BICDL1: variants seen among roughly 807,000 people sequenced by gnomAD.
BICDL1 encodes the protein BICD family-like cargo adapter 1.
Under a neutral mutation model 76.8 loss-of-function variants are expected in BICDL1, and 20 were observed. The observed-to-expected ratio is 0.26, with a 90% CI of 0.18 to 0.38. The LOEUF (loss-of-function observed/expected upper bound fraction) is 0.38, where lower values mean the gene tolerates loss of function less well. Among genes scored for constraint, BICDL1 ranks in the 10% least tolerant of loss-of-function variants. BICDL1 has a pLI of 1.00. For missense variants in BICDL1, 700 were observed against 798.6 expected (o/e 0.88, Z 1.49); for synonymous variants, 383 against 337.1 (o/e 1.14, Z -1.49).
At chr12:120,004,951 A>C (rs1303829683) in intron 2 of BICDL1, among the ~76,000 whole-genome samples, 1 of 151,942 alleles carries the variant, frequency 6.6e-6, no homozygotes, top group Non-Finnish European at 1.5e-5. Context: ...CCTCCTGAGT[A>C]GCTGGGATTA....
chr12:120,076,732 T>C (rs1374144801), intron 7 of BICDL1, among the ~76,000 whole-genome samples: 1 of 152,192 alleles, frequency 6.6e-6, no homozygotes, highest in African/African-American at 2.4e-5. Context: ...GCAGAAAACC[T>C]CTCAGCCACA....
rs1305160349 is a variant in BICDL1 at position 120,071,830 on chromosome 12, G to A, written c.1089+29G>A. The A allele has an allele frequency of 4.5e-6, 7 of 1,558,102 alleles. No individual in the cohort carries two copies. The highest frequency in any genetic ancestry group is 2.4e-5 in the South Asian group (2 of 82,926). On this transcript the variant is annotated intron_variant, in intron 5 of 9. Transcript: ENST00000548673. The surrounding 1 kb of genome is among the most constrained non-coding windows in gnomAD (Gnocchi z 4.8). ...CTGACCTGCCTGTCACCCCACAGGC[G>A]AGGCTACCTGGGGTTGCTTAGGTCT...
chr12:120,089,833 G>C (rs1033280127), intron 8 of BICDL1, 118 bp from the exon 9 acceptor site: 1 of 1,211,770 alleles, frequency 8.3e-7, no homozygotes, highest in Non-Finnish European at 1.2e-6. Context: ...GCTGCTATTT[G>C]TTGTGAGTTC....
intron 2 of BICDL1, among the ~76,000 whole-genome samples, chr12:120,025,458 T>G (rs945317576): frequency 6.6e-6 from 1 of 152,190 alleles, no homozygotes. Flanking sequence ...GGACATCCCA[T>G]GGAGCCTGCC....
chr12:119,998,490 C>T, intron 1 of BICDL1, 31 bp from the exon 2 acceptor site: 1 of 1,532,772 alleles, frequency 6.5e-7, no homozygotes, highest in African/African-American at 1.4e-5. Context: ...GAATTTTTAT[C>T]AGTGTTTAAA....
intron 2 of BICDL1, among the ~76,000 whole-genome samples, chr12:120,005,113 C>T (rs565894913): frequency 9.9e-5 from 15 of 152,246 alleles, no homozygotes; most frequent in South Asian, 6.2e-4. Context: ...CATGAGCCAC[C>T]GTACCTGGCC....
intron 2 of BICDL1, among the ~76,000 whole-genome samples, chr12:120,020,217 A>C (rs1206277195): frequency 2.6e-5 from 4 of 152,236 alleles, no homozygotes; most frequent in Middle Eastern, 3.2e-3. Context: ...AAATAAGAAC[A>C]CTATTAAAAT....
At chr12:120,008,151 T>TTTTC (rs1491411324) in intron 2 of BICDL1, among the ~76,000 whole-genome samples, 1 of 12,144 alleles carries the variant, frequency 8.2e-5, no homozygotes, top group East Asian at 0.019. Flanking sequence ...TTACTCTTTC[T>TTTTC]TTTTTTTTTT....
chr12:119,994,173 T>C (rs1444504717), intron 1 of BICDL1, among the ~76,000 whole-genome samples: 1 of 152,170 alleles, frequency 6.6e-6, no homozygotes, highest in Non-Finnish European at 1.5e-5. Flanking sequence ...TCAGTTATAT[T>C]TTCCTCCTTC....
At position 120,025,139 on chromosome 12, in the gene BICDL1, C is replaced by G. The variant is rs1456498903; in HGVS notation, c.645+26403C>G. ...ATCTCAGCTCACTGCAGGCTCCGCC[C>G]CCTGGGGTTCACACCATTCTCCCGC... On this transcript the variant is annotated intron_variant, in intron 2 of 9. Transcript: ENST00000548673. 2.0e-5 allele frequency among the ~76,000 whole-genome samples: 3 copies of G among 151,658 alleles called. No individual in the cohort carries two copies. The East Asian group carries it at 5.8e-4, about 29-fold the overall frequency.
intron 9 of BICDL1, chr12:120,092,320 G>A (rs922403040): frequency 1.2e-5 from 12 of 985,282 alleles, no homozygotes; most frequent in Non-Finnish European, 1.4e-5. Context: ...GTTGGGGGAC[G>A]GTCCTACCCC....
rs144335581 is a variant in BICDL1 at position 120,075,897 on chromosome 12, G to A, written c.1452+1311G>A. On this transcript the variant is annotated intron_variant, in intron 7 of 9. Coordinates refer to ENST00000548673, the MANE Select transcript of BICDL1 (RefSeq NM_001367886.1). ...GGCTTGGCCAGGCACGGTGGCTCACGCCTGTAATCCCAGCCCTTTGGGAGG... is the reference window on the plus strand; with the variant it reads ...GGCTTGGCCAGGCACGGTGGCTCACACCTGTAATCCCAGCCCTTTGGGAGG... Among the ~76,000 whole-genome samples the A allele has an allele frequency of 4.8e-3, 727 of 152,276 alleles. 7 individuals carry two copies. Among genetic ancestry groups the A allele is most frequent in the African/African-American group, 0.017 (689 of 41,564 alleles).
Position 120,094,221 on chromosome 12 carries a change from CGCGGCCCG to C in BICDL1, c.*1063_*1070del. The stretch of plus-strand genomic sequence containing the variant: ...CACCCAGGCCCCAACTCAGAGGCTC[CGCGGCCCG>C]GCCAGCCCTCAGCTGCTCACAACCG... On this transcript the variant is annotated 3_prime_UTR_variant, in exon 10 of 10. Transcript: ENST00000548673. The C allele has an allele frequency of 2.2e-6, 1 of 456,504 alleles. No homozygotes were observed. The highest frequency in any genetic ancestry group is 1.5e-5 in the South Asian group (1 of 64,558). The allele number at this position is 456,504 out of a possible 1,614,324, so 28.3% of individuals were successfully genotyped here.
chr12:120,071,702 G>A lies in BICDL1; in HGVS notation c.990G>A (p.Glu330=). 6.2e-7 allele frequency: 1 copy of A among 1,612,708 alleles called. No homozygotes were observed. The highest frequency in any genetic ancestry group is 1.1e-5 in the South Asian group (1 of 90,934). The change falls in exon 5 of 10, where the codon GAG becomes GAA. Residue 330 remains glutamate, a synonymous_variant. Coordinates refer to ENST00000548673, the MANE Select transcript of BICDL1 (RefSeq NM_001367886.1). The surrounding 1 kb of genome is among the most constrained non-coding windows in gnomAD (Gnocchi z 4.8). The stretch of plus-strand genomic sequence containing the variant: ...AGGTGAAGGTGGAAGAACTCACTGA[G>A]GAGAGGAGTCTGCAGAGCTCTGCCG... ...QLQVKVEELT[E]ERSLQSSAAT...
At chr12:120,011,611 T>C (rs1951954966) in intron 2 of BICDL1, among the ~76,000 whole-genome samples, 1 of 152,122 alleles carries the variant, frequency 6.6e-6, no homozygotes, top group South Asian at 2.1e-4. Context: ...TATAACTTGA[T>C]CCAGAATCCC....
chr12:120,063,611 A>G (rs1029288734), intron 3 of BICDL1, among the ~76,000 whole-genome samples: 1 of 152,202 alleles, frequency 6.6e-6, no homozygotes, highest in Non-Finnish European at 1.5e-5. Context: ...CACAAGTAAA[A>G]GCCTTAAGGA....
intron 9 of BICDL1, chr12:120,091,078 G>A (rs961446252): frequency 1.6e-5 from 21 of 1,284,782 alleles, no homozygotes; most frequent in African/African-American, 1.2e-4. Flanking sequence ...GTGCTGCCCC[G>A]CCGCCTCCCC....
At chr12:120,060,569 A>T (rs1953083188) in intron 2 of BICDL1, among the ~76,000 whole-genome samples, 1 of 152,198 alleles carries the variant, frequency 6.6e-6, no homozygotes, top group African/African-American at 2.4e-5. Flanking sequence ...TAAAGGTTAG[A>T]GGGTATTTAA....
At chr12:120,023,198 C>T (rs1288007695) in intron 2 of BICDL1, among the ~76,000 whole-genome samples, 1 of 152,070 alleles carries the variant, frequency 6.6e-6, no homozygotes, top group Non-Finnish European at 1.5e-5. Context: ...CTAATGATAG[C>T]TAATGAGCTA....
Sources: allele counts gnomAD v4.1 joint callset (sites outside exome capture counted in the v4.1 genomes callset), GRCh38; gene constraint gnomAD v4.1.1; non-coding constraint Gnocchi (gnomAD v3.1); transcripts MANE v1.5; gene names NCBI Gene and HGNC (gene_info 2026-07-23, HGNC 2026-07-21).